Variants in CPB2 observed in about 807,000 individuals in gnomAD.
CPB2 encodes the protein carboxypeptidase B2, also known as carboxypeptidase B-like protein.
CPB2 carries 54 observed loss-of-function variants against 57.0 expected under a neutral mutation model. The observed-to-expected ratio is 0.95, with a 90% CI of 0.76 to 1.19. CPB2 has a LOEUF of 1.19. Ranked by LOEUF, CPB2 falls within the 50% of genes most tolerant of loss-of-function variation. CPB2 has a pLI of 0.00. For synonymous variants in CPB2, 189 were observed against 178.1 expected (o/e 1.06, Z -0.49); for missense variants, 426 against 512.0 (o/e 0.83, Z 1.62).
chr13:46,079,535 C>CAAAAAAAAAAAAAAAAAAAGAAAAAA (rs2045075859), intron 4 of CPB2, among the ~76,000 whole-genome samples: 3 of 111,010 alleles, frequency 2.7e-5, no homozygotes, highest in Non-Finnish European at 5.4e-5. Flanking sequence ...AAGGAAAAAG[C>CAAAAAAAAAAAAAAAAAAAGAAAAAA]AAAAAAAAAA....
chr13:46,091,215 C>G (rs972878572), intron 1 of CPB2, among the ~76,000 whole-genome samples: 1 of 152,200 alleles, frequency 6.6e-6, no homozygotes, highest in Non-Finnish European at 1.5e-5. Flanking sequence ...GGATATTTCT[C>G]TTTGCAAGTA....
chr13:46,062,464 AT>A (rs2044789339), intron 8 of CPB2, among the ~76,000 whole-genome samples: 1 of 152,112 alleles, frequency 6.6e-6, no homozygotes, highest in African/African-American at 2.4e-5. Flanking sequence ...ATTTACTTAG[AT>A]TCTTTTTACA....
intron 1 of CPB2, among the ~76,000 whole-genome samples, chr13:46,095,972 G>A (rs1054995863): frequency 1.4e-5 from 2 of 144,574 alleles, no homozygotes; most frequent in Admixed American, 7.3e-5. Context: ...ATTCTGCCTC[G>A]TGGGTTCAAG....
At position 46,073,981 on chromosome 13, in the gene CPB2, C is replaced by T; in HGVS notation, c.487-4G>A. On this transcript the variant is annotated splice_polypyrimidine_tract_variant and splice_region_variant and intron_variant, in intron 5 of 10. Transcript: ENST00000181383. ...CTGCTTGTTCTTTTCCAGAAACCTG[C>T]TCAAAGAAACCCCAAAAGTAGCAAA... The T allele has an allele frequency of 6.4e-7, 1 of 1,563,558 alleles. No individual in the cohort carries two copies.
In CPB2 at chr13:46,073,055, C is replaced by T. The variant is rs543526919; in HGVS notation, c.591+818G>A. ...TGAATGAAGGCAAATAGGGATGTTG[C>T]ATTTGTCAAGGTCAAGCAAAGACAG... On this transcript the variant is annotated intron_variant, in intron 6 of 10. Transcript: ENST00000181383. Among the ~76,000 whole-genome samples, 8 of 152,280 alleles carry T rather than the reference C, an allele frequency of 5.3e-5. No homozygotes were observed. In the East Asian group the frequency reaches 1.5e-3, roughly 29 times the overall value.
At chr13:46,090,705 T>G (rs1202764183) in intron 1 of CPB2, among the ~76,000 whole-genome samples, 2 of 147,178 alleles carry the variant, frequency 1.4e-5, no homozygotes, top group Non-Finnish European at 3.0e-5. Context: ...TTTACAATTT[T>G]ATCCATAAAG....
intron 3 of CPB2, 44 bp downstream of exon 3, chr13:46,084,171 TAGTA>T: frequency 6.2e-7 from 1 of 1,604,186 alleles, no homozygotes; most frequent in African/African-American, 1.3e-5. Context: ...GTCAAGTGCA[TAGTA>T]AGTGTTTATA....
At position 46,073,992 on chromosome 13, in the gene CPB2, C is replaced by A; in HGVS notation, c.487-15G>T. On this transcript the variant is annotated splice_polypyrimidine_tract_variant and intron_variant, in intron 5 of 10. Coordinates refer to ENST00000181383, the MANE Select transcript of CPB2 (RefSeq NM_001872.5). ...TTTCCAGAAACCTGCTCAAAGAAAC[C>A]CCAAAAGTAGCAAAAACAGTAACAA... 1 of 1,522,932 alleles carries A rather than the reference C, an allele frequency of 6.6e-7. No individual in the cohort carries two copies. 94.3% of individuals were successfully genotyped at this position (1,522,932 alleles called of 1,614,324 possible).
At chr13:46,074,090 C>T in intron 5 of CPB2, 113 bp from the exon 6 acceptor site, 2 of 512,478 alleles carry the variant, frequency 3.9e-6, no homozygotes, top group Non-Finnish European at 6.8e-6. Flanking sequence ...CTGAGATATG[C>T]ATTGTTCTGC....
chr13:46,082,669 C>T, intron 3 of CPB2, 120 bp from the exon 4 acceptor site: 1 of 575,902 alleles, frequency 1.7e-6, no homozygotes, highest in Non-Finnish European at 3.1e-6. Context: ...ACTTCATAAG[C>T]ATTTCATCAA....
intron 5 of CPB2, among the ~76,000 whole-genome samples, chr13:46,077,325 C>T (rs1004802333): frequency 3.3e-5 from 5 of 152,092 alleles, no homozygotes; most frequent in Non-Finnish European, 4.4e-5. Context: ...ATGAAAAAAT[C>T]CTCAACATCA....
chr13:46,089,020 G>T (rs1391136852), intron 1 of CPB2, among the ~76,000 whole-genome samples: 1 of 149,562 alleles, frequency 6.7e-6, no homozygotes, highest in African/African-American at 2.5e-5. Flanking sequence ...GGTTTGTGTG[G>T]TTTAAGATGT....
chr13:46,092,361 T>C (rs1593915880), intron 1 of CPB2, among the ~76,000 whole-genome samples: 2 of 152,212 alleles, frequency 1.3e-5, no homozygotes, highest in Admixed American at 1.3e-4. Flanking sequence ...GTTTAGTTAA[T>C]AGTAATATAA....
chr13:46,067,034 TA>T (rs1485925655), intron 7 of CPB2, among the ~76,000 whole-genome samples: 1 of 151,778 alleles, frequency 6.6e-6, no homozygotes, highest in Non-Finnish European at 1.5e-5. Context: ...TACTTCAAAA[TA>T]AAATGAGTAA....
At chr13:46,071,855 G>C (rs1022629684) in intron 6 of CPB2, among the ~76,000 whole-genome samples, 1 of 152,200 alleles carries the variant, frequency 6.6e-6, no homozygotes, top group African/African-American at 2.4e-5. Context: ...AGATAATTCT[G>C]TGAAGGCCCT....
intron 4 of CPB2, among the ~76,000 whole-genome samples, chr13:46,081,504 G>T (rs1359716534): frequency 6.6e-6 from 1 of 151,964 alleles, no homozygotes; most frequent in Non-Finnish European, 1.5e-5. Context: ...CAATTTTAAG[G>T]CCCCCTCAAT....
chr13:46,095,032 A>T (rs2045346243), intron 1 of CPB2: 1 of 152,126 alleles, frequency 6.6e-6, no homozygotes, highest in Admixed American at 6.5e-5. Context: ...AAAGGGTAAT[A>T]CTCAAATATT....
Position 46,053,683 on chromosome 13 carries a change from G to A in CPB2, c.1203C>T (p.Ile401=). 1.2e-6 allele frequency: 2 copies of A among 1,614,202 alleles called. No individual in the cohort carries two copies. The highest frequency in any genetic ancestry group is 1.7e-6 in the Non-Finnish European group (2 of 1,180,036). The part of the protein sequence containing the change: ...TYGFLLPERY[I]KPTCREAFAA... ...CAAAAGCTTCTCTACAGGTGGGTTT[G>A]ATGTAACGCTCCGGCAGCAAGAATC... The change falls in exon 11 of 11, where the codon ATC becomes ATT. Residue 401 remains isoleucine, a synonymous_variant. Coordinates refer to ENST00000181383, the MANE Select transcript of CPB2 (RefSeq NM_001872.5).
At chr13:46,066,477 GA>G (rs2139362539) in intron 7 of CPB2, among the ~76,000 whole-genome samples, 1 of 152,252 alleles carries the variant, frequency 6.6e-6, no homozygotes, top group South Asian at 2.1e-4. Context: ...GATTAAAATA[GA>G]ATTAAAAGAC....
Sources: allele counts gnomAD v4.1 joint callset (sites outside exome capture counted in the v4.1 genomes callset), GRCh38; gene constraint gnomAD v4.1.1; transcripts MANE v1.5; gene names NCBI Gene and HGNC (gene_info 2026-07-23, HGNC 2026-07-21).